Variants in PELI2 observed in about 807,000 individuals in gnomAD.
PELI2 encodes E3 ubiquitin-protein ligase pellino homolog 2.
A neutral mutation model predicts 42.3 loss-of-function variants in PELI2; 23 were observed. The observed-to-expected ratio is 0.54, with a 90% CI of 0.39 to 0.77. The LOEUF (loss-of-function observed/expected upper bound fraction) is 0.77. PELI2 is among the 30% of genes least tolerant of loss of function. PELI2 has a pLI of 0.00. For synonymous variants in PELI2, 245 were observed against 212.2 expected, an observed-to-expected ratio of 1.15 and a Z score of -1.34; for missense variants, 463 against 553.2, an observed-to-expected ratio of 0.84 and a Z score of 1.64.
chr14:56,200,439 G>A (rs1439434734), intron 2 of PELI2, among the ~76,000 whole-genome samples: 1 of 152,202 alleles, frequency 6.6e-6, no homozygotes, highest in African/African-American at 2.4e-5. Context: ...GAAGTGGAGT[G>A]AAGACACGCC....
chr14:56,256,865 G>T (rs529639825), intron 2 of PELI2, among the ~76,000 whole-genome samples: 1 of 152,296 alleles, frequency 6.6e-6, no homozygotes, highest in East Asian at 1.9e-4. Context: ...GCTTCAGCGT[G>T]TAGGCTTCCA....
At chr14:56,164,656 G>A (rs1884886259) in intron 1 of PELI2, among the ~76,000 whole-genome samples, 1 of 152,094 alleles carries the variant, frequency 6.6e-6, no homozygotes, top group Non-Finnish European at 1.5e-5. Flanking sequence ...CAGCAGTGAA[G>A]TCACCAGGTT....
At chr14:56,145,035 A>G (rs1884061137) in intron 1 of PELI2, 3 of 854,052 alleles carry the variant, frequency 3.5e-6, no homozygotes, top group South Asian at 1.1e-4. Flanking sequence ...TTCTAGGTGT[A>G]TTGCTATGAA....
At chr14:56,277,203 A>AG (rs1254549662) in intron 2 of PELI2, among the ~76,000 whole-genome samples, 1 of 152,122 alleles carries the variant, frequency 6.6e-6, no homozygotes, top group Non-Finnish European at 1.5e-5. Context: ...GCACAGCAGG[A>AG]GGTGAGGAGC....
At chr14:56,138,367 G>A (rs1036340453) in intron 1 of PELI2, among the ~76,000 whole-genome samples, 8 of 152,070 alleles carry the variant, frequency 5.3e-5, no homozygotes, top group Non-Finnish European at 7.3e-5. Context: ...GAGTCTGATT[G>A]TGGAATTAGA....
chr14:56,215,607 T>A (rs1305598613), intron 2 of PELI2, among the ~76,000 whole-genome samples: 1 of 152,264 alleles, frequency 6.6e-6, no homozygotes, highest in Non-Finnish European at 1.5e-5. Context: ...GGTGTTCAAC[T>A]GTAATACTAT....
chr14:56,163,367 A>G (rs1884836884), intron 1 of PELI2, among the ~76,000 whole-genome samples: 1 of 152,204 alleles, frequency 6.6e-6, no homozygotes, highest in African/African-American at 2.4e-5. Context: ...ACATTTGTCA[A>G]AAATGAGTTC....
At chr14:56,270,771 A>G (rs1166693385) in intron 2 of PELI2, among the ~76,000 whole-genome samples, 1 of 152,240 alleles carries the variant, frequency 6.6e-6, no homozygotes, top group Non-Finnish European at 1.5e-5. Context: ...TTGATGAATT[A>G]TAAAGGTAGT....
At position 56,289,373 on chromosome 14, in the gene PELI2, G is replaced by T. The variant is rs1019700435; in HGVS notation, c.507+739G>T. On this transcript the variant is annotated intron_variant, in intron 4 of 5. Coordinates refer to ENST00000267460, the MANE Select transcript of PELI2 (RefSeq NM_021255.3). ...GAGGTCTTCTTGTGGGTGAGAGCTG[G>T]CTCCTGCACTTCCAGATGTCCCCTG... 4.6e-5 allele frequency among the ~76,000 whole-genome samples: 7 copies of T among 152,126 alleles called. No homozygotes were observed. The East Asian group carries it at 1.3e-3, about 29-fold the overall frequency.
At chr14:56,239,576 T>A (rs1887905934) in intron 2 of PELI2, among the ~76,000 whole-genome samples, 1 of 152,216 alleles carries the variant, frequency 6.6e-6, no homozygotes, top group Non-Finnish European at 1.5e-5. Context: ...GTTTCTATTC[T>A]CGTTTGATTT....
chr14:56,118,437 G>GGCGGCC lies in PELI2; in HGVS notation c.-218_-213dup. 3.3e-6 allele frequency: 1 copy of GGCGGCC among 299,664 alleles called. No individual in the cohort carries two copies. The highest frequency in any genetic ancestry group is 6.1e-6 in the Non-Finnish European group (1 of 163,932). The allele number at this position is 299,664 out of a possible 1,614,324, so 18.6% of individuals were successfully genotyped here. A position where few individuals can be genotyped will look rare whatever the true frequency, so the allele number is the denominator to read the frequency against. On this transcript the variant is annotated 5_prime_UTR_variant, in exon 1 of 6. Coordinates refer to ENST00000267460, the MANE Select transcript of PELI2 (RefSeq NM_021255.3). The stretch of plus-strand genomic sequence containing the variant: ...CCATTTGTTGCCGGCTCTGACTCGG[G>GGCGGCC]GCGGCCGCGGCGCGCGGAGCTCCGG...
In PELI2 at chr14:56,160,404, C is replaced by G. The variant is rs77845124; in HGVS notation, c.78-17931C>G. Among the ~76,000 whole-genome samples the G allele has an allele frequency of 7.2e-4, 109 of 152,232 alleles. 1 individual carries two copies. In the East Asian group the frequency reaches 0.019, roughly 26 times the overall value. ...TCCTCCTCTTCCCTTTGCACCAGGT[C>G]TTTTACTTCGGGTGAGGGTAGGGGG... is the stretch of plus-strand genomic sequence containing the variant. On this transcript the variant is annotated intron_variant, in intron 1 of 5. Coordinates refer to ENST00000267460, the MANE Select transcript of PELI2 (RefSeq NM_021255.3).
chr14:56,233,269 GA>G (rs578239838), intron 2 of PELI2, among the ~76,000 whole-genome samples: 78 of 152,176 alleles, frequency 5.1e-4, no homozygotes, highest in African/African-American at 1.8e-3. Flanking sequence ...AGTTCACATG[GA>G]ACCGAAAAAA....
intron 4 of PELI2, 74 bp from the exon 5 acceptor site, chr14:56,290,194 A>T: frequency 8.1e-7 from 1 of 1,231,428 alleles, no homozygotes; most frequent in Non-Finnish European, 1.1e-6. Flanking sequence ...GCAATGTATT[A>T]AAGAAATTCC....
At position 56,300,267 on chromosome 14, in the gene PELI2, A is replaced by C. The variant is rs998595155; in HGVS notation, c.*3101A>C. ...AAGAAAGGAGAAAGCCATTGGAAAAATGATGGGCTCCATTAAGGAGACTAA... is the reference window on the plus strand; with the variant it reads ...AAGAAAGGAGAAAGCCATTGGAAAACTGATGGGCTCCATTAAGGAGACTAA... On this transcript the variant is annotated 3_prime_UTR_variant, in exon 6 of 6. Transcript: ENST00000267460. 4 of 152,662 alleles carry C rather than the reference A, an allele frequency of 2.6e-5. No homozygotes were observed. Among genetic ancestry groups the C allele is most frequent in the African/African-American group, 7.2e-5 (3 of 41,464 alleles). 9.5% of individuals were successfully genotyped at this position (152,662 alleles called of 1,614,324 possible). A position where few individuals can be genotyped will look rare whatever the true frequency, so the allele number is the denominator to read the frequency against.
chr14:56,163,230 A>G (rs900245142), intron 1 of PELI2, among the ~76,000 whole-genome samples: 1 of 152,112 alleles, frequency 6.6e-6, no homozygotes, highest in Non-Finnish European at 1.5e-5. Flanking sequence ...TAAATCTTTA[A>G]TGCATTTTGA....
intron 2 of PELI2, among the ~76,000 whole-genome samples, chr14:56,196,958 CT>C (rs1368185790): frequency 7.9e-5 from 12 of 152,238 alleles, no homozygotes; most frequent in Non-Finnish European, 1.6e-4. Flanking sequence ...AAGTGCTTAT[CT>C]ATCTCAAGGT....
At chr14:56,170,230 G>A (rs1378322752) in intron 1 of PELI2, among the ~76,000 whole-genome samples, 1 of 152,198 alleles carries the variant, frequency 6.6e-6, no homozygotes, top group Non-Finnish European at 1.5e-5. Context: ...ATGTGATCCT[G>A]TGATGCTGAT....
At chr14:56,163,937 G>T (rs242416) in intron 1 of PELI2, among the ~76,000 whole-genome samples, 1 of 152,066 alleles carries the variant, frequency 6.6e-6, no homozygotes, top group Non-Finnish European at 1.5e-5. Context: ...ATTTGTTGAT[G>T]AATTCTAATA....
Sources: allele counts gnomAD v4.1 joint callset (sites outside exome capture counted in the v4.1 genomes callset), GRCh38; gene constraint gnomAD v4.1.1; transcripts MANE v1.5; gene names NCBI Gene and HGNC (gene_info 2026-07-23, HGNC 2026-07-21).